The following KCTD8 variants were observed in gnomAD, a reference collection of about 807,000 sequenced individuals.
KCTD8 encodes the protein BTB/POZ domain-containing protein KCTD8.
A neutral mutation model predicts 31.5 loss-of-function variants in KCTD8; 27 were observed. That is an observed-to-expected ratio of 0.86 (90% CI 0.63 to 1.18). The LOEUF is 1.18. KCTD8 is among the 50% of genes most tolerant of loss of function. KCTD8 has a pLI of 0.00. For synonymous variants in KCTD8, 290 were observed against 280.0 expected, an observed-to-expected ratio of 1.04 and a Z score of -0.36; for missense variants, 658 against 647.7, an observed-to-expected ratio of 1.02 and a Z score of -0.17.
intron 1 of KCTD8, among the ~76,000 whole-genome samples, chr4:44,378,416 A>C (rs1719973511): frequency 6.6e-6 from 1 of 151,484 alleles, no homozygotes; most frequent in African/African-American, 2.4e-5. Context: ...ATATGTAACA[A>C]ACCTGCACGT....
intron 1 of KCTD8, among the ~76,000 whole-genome samples, chr4:44,305,441 T>G (rs1426266652): frequency 6.6e-6 from 1 of 151,670 alleles, no homozygotes; most frequent in Non-Finnish European, 1.5e-5. Context: ...GCAGCTATAT[T>G]TATATCAAAT....
At chr4:44,229,259 C>T (rs1265842229) in intron 1 of KCTD8, among the ~76,000 whole-genome samples, 1 of 152,132 alleles carries the variant, frequency 6.6e-6, no homozygotes, top group Non-Finnish European at 1.5e-5. Context: ...CACGTTGCCT[C>T]TCTAAAAGTG....
At position 44,258,988 on chromosome 4, in the gene KCTD8, A is replaced by G. The variant is rs542283254; in HGVS notation, c.962-83738T>C. 5.3e-5 allele frequency among the ~76,000 whole-genome samples: 8 copies of G among 152,068 alleles called. No homozygotes were observed. The East Asian group carries it at 1.4e-3, about 26-fold the overall frequency. On this transcript the variant is annotated intron_variant, in intron 1 of 1. Coordinates refer to ENST00000360029, the MANE Select transcript of KCTD8 (RefSeq NM_198353.3). ...ACATAGTAAGCATTCATCAATGTTA[A>G]CTGTTATTATACCATTTAGGGTCAA...
chr4:44,310,733 TTG>T (rs1394311290), intron 1 of KCTD8, among the ~76,000 whole-genome samples: 3 of 152,156 alleles, frequency 2.0e-5, no homozygotes, highest in African/African-American at 4.8e-5. Context: ...GATTAAAAGT[TTG>T]TGTTTTAATT....
At chr4:44,398,003 C>T (rs1015867050) in intron 1 of KCTD8, among the ~76,000 whole-genome samples, 4 of 152,010 alleles carry the variant, frequency 2.6e-5, no homozygotes, top group African/African-American at 4.8e-5. Context: ...TTAATGCAAT[C>T]GACTCACTGC....
At chr4:44,390,372 G>A (rs967499710) in intron 1 of KCTD8, among the ~76,000 whole-genome samples, 2 of 151,980 alleles carry the variant, frequency 1.3e-5, no homozygotes, top group African/African-American at 4.8e-5. Flanking sequence ...AATTATCCCA[G>A]CACCATTTGT....
intron 1 of KCTD8, among the ~76,000 whole-genome samples, chr4:44,352,856 T>G (rs1719249073): frequency 6.6e-6 from 1 of 152,000 alleles, no homozygotes. Context: ...ACACTAGAAT[T>G]TTTGTAAGCA....
chr4:44,382,708 C>T lies in KCTD8; in HGVS notation c.961+64855G>A, dbSNP rs1324989332. On this transcript the variant is annotated intron_variant, in intron 1 of 1. Coordinates refer to ENST00000360029, the MANE Select transcript of KCTD8 (RefSeq NM_198353.3). ...TTGCACCATTGCATACCAGCCTGGG[C>T]AACAGGAGTGAAACTCCATTTCAAA... is the stretch of plus-strand genomic sequence containing the variant. Among the ~76,000 whole-genome samples the T allele has an allele frequency of 2.8e-5, 4 of 144,750 alleles. No homozygotes were observed. The Admixed American group carries it at 2.8e-4, about 10-fold the overall frequency. The allele number at this position is 144,750 out of a possible 152,430, so 95.0% of individuals were successfully genotyped here.
At chr4:44,346,360 C>T (rs12502610) in intron 1 of KCTD8, among the ~76,000 whole-genome samples, 9,578 of 152,020 alleles carry the variant, frequency 0.063, 413 homozygotes, top group Non-Finnish European at 0.091. Flanking sequence ...TATTTTATAT[C>T]CTCACATTCT....
At chr4:44,235,346 G>A (rs1715244562) in intron 1 of KCTD8, among the ~76,000 whole-genome samples, 1 of 149,752 alleles carries the variant, frequency 6.7e-6, no homozygotes, top group Non-Finnish European at 1.5e-5. Flanking sequence ...TACTTGTCAT[G>A]ATACTTTTTG....
At chr4:44,393,813 C>T (rs1720431141) in intron 1 of KCTD8, among the ~76,000 whole-genome samples, 1 of 151,802 alleles carries the variant, frequency 6.6e-6, no homozygotes, top group African/African-American at 2.4e-5. Flanking sequence ...ATTTACAGAG[C>T]ATCTCTTATT....
chr4:44,356,314 T>C (rs1719340798), intron 1 of KCTD8, among the ~76,000 whole-genome samples: 1 of 152,206 alleles, frequency 6.6e-6, no homozygotes. Flanking sequence ...GTCTCTCTTG[T>C]ACTTCTTTGA....
At position 44,367,431 on chromosome 4, in the gene KCTD8, C is replaced by T. The variant is rs527936512; in HGVS notation, c.961+80132G>A. On this transcript the variant is annotated intron_variant, in intron 1 of 1. Coordinates refer to ENST00000360029, the MANE Select transcript of KCTD8 (RefSeq NM_198353.3). ...AACTCTCAGATCCTCCATTACTGGA[C>T]CCAGTTTAGCACAGGAGGCTATGAT... Among the ~76,000 whole-genome samples, 201 of 152,262 alleles carry T rather than the reference C, an allele frequency of 1.3e-3. 1 individual carries two copies. The highest frequency in any genetic ancestry group is 4.7e-3 in the African/African-American group (197 of 41,552).
intron 1 of KCTD8, among the ~76,000 whole-genome samples, chr4:44,390,029 G>A (rs977389870): frequency 2.0e-5 from 3 of 151,884 alleles, no homozygotes; most frequent in Non-Finnish European, 4.4e-5. Context: ...GTAGATTCTG[G>A]ATATTAGTTC....
At chr4:44,215,325 G>A (rs1341568374) in intron 1 of KCTD8, among the ~76,000 whole-genome samples, 2 of 151,846 alleles carry the variant, frequency 1.3e-5, no homozygotes, top group African/African-American at 2.4e-5. Flanking sequence ...TCATTTTAAA[G>A]GATTTTTTCT....
intron 1 of KCTD8, among the ~76,000 whole-genome samples, chr4:44,327,628 T>C (rs1718482922): frequency 2.6e-5 from 4 of 151,680 alleles, no homozygotes; most frequent in African/African-American, 7.3e-5. Context: ...TTATTTTATT[T>C]AGATATTTAT....
At chr4:44,371,844 T>C (rs1719795031) in intron 1 of KCTD8, among the ~76,000 whole-genome samples, 1 of 152,170 alleles carries the variant, frequency 6.6e-6, no homozygotes, top group Admixed American at 6.5e-5. Context: ...TATATTTTCC[T>C]CCCTTTCTTA....
intron 1 of KCTD8, among the ~76,000 whole-genome samples, chr4:44,248,783 T>C (rs76807320): frequency 0.03 from 4,620 of 151,966 alleles, 248 homozygotes; most frequent in African/African-American, 0.11. Context: ...AGACCTTGAA[T>C]GCACATATAA....
At chr4:44,369,223 T>C (rs757092309) in intron 1 of KCTD8, among the ~76,000 whole-genome samples, 2 of 152,210 alleles carry the variant, frequency 1.3e-5, no homozygotes, top group African/African-American at 4.8e-5. Flanking sequence ...AGAGATTATT[T>C]AAATTCCTTT....
Sources: gnomAD v4.1 joint callset for allele counts (sites outside exome capture counted in the v4.1 genomes callset) on GRCh38, gnomAD v4.1.1 for gene constraint, MANE v1.5 for transcripts, NCBI Gene and HGNC (gene_info 2026-07-23, HGNC 2026-07-21) for gene names.